The following KYNU variants were observed in gnomAD, a reference collection of about 807,000 sequenced individuals.
KYNU encodes the protein L-kynurenine hydrolase.
A neutral mutation model predicts 59.2 loss-of-function variants in KYNU; 54 were observed. The observed-to-expected ratio is 0.91, with a 90% CI of 0.73 to 1.14. KYNU has a LOEUF of 1.14. Among genes scored for constraint, KYNU ranks in the 50% most tolerant of loss-of-function variants. The pLI is 0.00. For synonymous variants in KYNU, 177 were observed against 192.0 expected (o/e 0.92, Z 0.65); for missense variants, 567 against 554.4 (o/e 1.02, Z -0.23).
chr2:142,968,083 T>C (rs186257425), intron 8 of KYNU, among the ~76,000 whole-genome samples: 74 of 152,320 alleles, frequency 4.9e-4, no homozygotes, highest in African/African-American at 1.8e-3. Flanking sequence ...ATTCACCGAA[T>C]AGGATCTTAG....
intron 10 of KYNU, among the ~76,000 whole-genome samples, chr2:143,001,259 C>A (rs938555691): frequency 2.0e-5 from 3 of 152,090 alleles, no homozygotes; most frequent in African/African-American, 7.2e-5. Flanking sequence ...TAATTACCCC[C>A]TACCCCAGCC....
intron 3 of KYNU, among the ~76,000 whole-genome samples, chr2:142,921,220 T>A (rs1435612332): frequency 1.3e-5 from 2 of 152,212 alleles, no homozygotes; most frequent in African/African-American, 4.8e-5. Flanking sequence ...ATTGGGTTTT[T>A]TCATCATGAT....
chr2:142,939,602 C>CAAAAAAAAAAAAAAAAAAAAAAAAAAAA (rs71301737), intron 4 of KYNU, among the ~76,000 whole-genome samples: 4 of 65,108 alleles, frequency 6.1e-5, no homozygotes, highest in Admixed American at 2.2e-4. Context: ...CTCCATCTCA[C>CAAAAAAAAAAAAAAAAAAAAAAAAAAAA]AAAAAAAAAA....
chr2:143,049,730 T>C lies in KYNU; in HGVS notation c.*7558T>C, dbSNP rs980661801. The C allele has an allele frequency of 1.3e-5, 2 of 152,194 alleles. No homozygotes were observed. The highest frequency in any genetic ancestry group is 2.9e-5 in the Non-Finnish European group (2 of 68,030). 9.4% of individuals were successfully genotyped at this position (152,194 alleles called of 1,614,324 possible). On this transcript the variant is annotated 3_prime_UTR_variant, in exon 14 of 14. Transcript: ENST00000264170. ...AAGTCAGCATTTTCTTTATTCTTAA[T>C]CACAACTAGTTGATAGTCCATATCT... is the stretch of plus-strand genomic sequence containing the variant.
chr2:142,972,803 TATATATATATAG>T (rs1260420306), intron 8 of KYNU, among the ~76,000 whole-genome samples: 27 of 138,594 alleles, frequency 1.9e-4, no homozygotes, highest in African/African-American at 7.1e-4. Context: ...TATATATATA[TATATATATATAG>T]AGAGAGAGAG....
intron 2 of KYNU, among the ~76,000 whole-genome samples, chr2:142,910,601 G>A (rs1682450822): frequency 6.6e-6 from 1 of 151,994 alleles, no homozygotes; most frequent in Admixed American, 6.6e-5. Flanking sequence ...GTCAGTTTGG[G>A]GGGTTTTTGC....
chr2:143,001,013 T>C (rs560454301), intron 10 of KYNU, among the ~76,000 whole-genome samples: 2 of 152,340 alleles, frequency 1.3e-5, no homozygotes, highest in South Asian at 4.1e-4. Context: ...TCACTCATGA[T>C]GGGATATGTC....
chr2:143,024,535 T>A (rs1686497739), intron 10 of KYNU, among the ~76,000 whole-genome samples: 1 of 152,058 alleles, frequency 6.6e-6, no homozygotes, highest in Non-Finnish European at 1.5e-5. Flanking sequence ...ATCATGTTTT[T>A]TTTTCTCTGA....
chr2:143,027,023 G>A (rs574119341), intron 10 of KYNU, among the ~76,000 whole-genome samples: 3 of 152,280 alleles, frequency 2.0e-5, no homozygotes, highest in Non-Finnish European at 2.9e-5. Flanking sequence ...AGCAACATTT[G>A]AGCGGGAAAA....
chr2:142,956,421 T>A (rs1684167206), intron 6 of KYNU, 147 bp downstream of exon 6: 3 of 595,436 alleles, frequency 5.0e-6, no homozygotes, highest in South Asian at 2.2e-5. Context: ...TTAAATTTTT[T>A]AATAGATTAT....
At chr2:142,926,976 T>C (rs1683065017) in intron 3 of KYNU, among the ~76,000 whole-genome samples, 1 of 152,272 alleles carries the variant, frequency 6.6e-6, no homozygotes, top group African/African-American at 2.4e-5. Context: ...ATTTCTTCTA[T>C]GTTTTTCAAG....
intron 10 of KYNU, among the ~76,000 whole-genome samples, chr2:142,989,147 G>A (rs1685316085): frequency 2.0e-5 from 3 of 151,838 alleles, no homozygotes; most frequent in Non-Finnish European, 4.4e-5. Context: ...GATGGGGAGA[G>A]GAAGTTTTCT....
rs549596887 is a variant in KYNU, at chr2:142,960,499, C to A, written c.583-125C>A. On this transcript the variant is annotated intron_variant, in intron 7 of 13. Coordinates refer to ENST00000264170, the MANE Select transcript of KYNU (RefSeq NM_003937.3). Reference sequence around the variant, plus strand: ...GCTCTTATGCCAGATTTTTAAAGAACCTTAATCTGAAAAAAAAAACTATTT... The same window carrying A: ...GCTCTTATGCCAGATTTTTAAAGAAACTTAATCTGAAAAAAAAAACTATTT... The A allele has an allele frequency of 5.4e-6, 4 of 742,044 alleles. No individual in the cohort carries two copies. The African/African-American group carries it at 7.4e-5, about 14-fold the overall frequency. 46.0% of individuals were successfully genotyped at this position (742,044 alleles called of 1,614,324 possible).
intron 4 of KYNU, among the ~76,000 whole-genome samples, chr2:142,939,873 CT>C (rs1484024656): frequency 6.6e-6 from 1 of 152,128 alleles, no homozygotes; most frequent in Non-Finnish European, 1.5e-5. Context: ...GAGTGAAAGA[CT>C]TTCCCAAGAA....
At position 142,957,690 on chromosome 2, in the gene KYNU, G is replaced by A. The variant is rs369993662; in HGVS notation, c.557G>A (p.Ser186Asn). ...CTTCACGGACTTAACATTGAAGAAAGTATGCGGATGATAAAGCCAAGAGAG... is the reference window on the plus strand; with the variant it reads ...CTTCACGGACTTAACATTGAAGAAAATATGCGGATGATAAAGCCAAGAGAG... Reference protein sequence around the residue: ...LQLHGLNIEESMRMIKPREGE... With the variant: ...LQLHGLNIEENMRMIKPREGE... Residue 186 changes from serine to asparagine, a missense_variant, in exon 7 of 14, where the codon AGT (serine) becomes AAT (asparagine). Physicochemically the swap from Ser to Asn is conservative, Grantham distance 46. Coordinates refer to ENST00000264170, the MANE Select transcript of KYNU (RefSeq NM_003937.3). 5.0e-6 allele frequency: 8 copies of A among 1,603,488 alleles called. No homozygotes were observed. The highest frequency in any genetic ancestry group is 3.3e-5 in the Admixed American group (2 of 59,958).
rs1476040148 is a variant in KYNU at position 143,042,318 on chromosome 2, A to G, written c.*146A>G. On this transcript the variant is annotated 3_prime_UTR_variant, in exon 14 of 14. Transcript: ENST00000264170. Reference sequence around the variant, plus strand: ...TAATATACCTTACAGAAAATCTGATATAATTTTTCAGAGTCTGTGGCACTA... The same window carrying G: ...TAATATACCTTACAGAAAATCTGATGTAATTTTTCAGAGTCTGTGGCACTA... The G allele has an allele frequency of 1.1e-6, 1 of 874,602 alleles. No individual in the cohort carries two copies. The highest frequency in any genetic ancestry group is 1.7e-5 in the African/African-American group (1 of 58,898). The allele number at this position is 874,602 out of a possible 1,614,324, so 54.2% of individuals were successfully genotyped here.
At chr2:142,998,319 C>A (rs1685604151) in intron 10 of KYNU, among the ~76,000 whole-genome samples, 1 of 152,120 alleles carries the variant, frequency 6.6e-6, no homozygotes, top group South Asian at 2.1e-4. Flanking sequence ...AATTTTACTT[C>A]ATTAGCTTTC....
chr2:143,023,718 C>T (rs1223202165), intron 10 of KYNU, among the ~76,000 whole-genome samples: 1 of 150,696 alleles, frequency 6.6e-6, no homozygotes, highest in Non-Finnish European at 1.5e-5. Context: ...TATAATTGTT[C>T]AAGGAAGAGA....
intron 2 of KYNU, among the ~76,000 whole-genome samples, chr2:142,891,989 A>G (rs1392862946): frequency 2.6e-5 from 4 of 151,852 alleles, no homozygotes; most frequent in Non-Finnish European, 5.9e-5. Context: ...TTTGACTCAG[A>G]GCAACCTCCA....
Sources: gnomAD v4.1 joint callset for allele counts (sites outside exome capture counted in the v4.1 genomes callset) on GRCh38, gnomAD v4.1.1 for gene constraint, MANE v1.5 for transcripts, NCBI Gene and HGNC (gene_info 2026-07-23, HGNC 2026-07-21) for gene names.